Variants in LRRC4C observed in about 807,000 individuals in gnomAD.
The protein encoded by LRRC4C is leucine-rich repeat-containing protein 4C.
A neutral mutation model predicts 33.6 loss-of-function variants in LRRC4C; 5 were observed. The ratio of observed to expected loss-of-function variants is 0.15; its 90% confidence interval spans 0.08 to 0.31. The LOEUF is 0.31. Ranked by LOEUF, LRRC4C falls within the 10% of genes least tolerant of loss-of-function variation. LRRC4C has a pLI of 1.00. For synonymous variants in LRRC4C, 329 were observed against 302.0 expected (o/e 1.09, Z -0.93); for missense variants, 560 against 796.7 (o/e 0.70, Z 3.58).
At chr11:40,303,792 A>G (rs1944896960) in intron 4 of LRRC4C, among the ~76,000 whole-genome samples, 1 of 152,204 alleles carries the variant, frequency 6.6e-6, no homozygotes, top group African/African-American at 2.4e-5. Context: ...GCCTCAGCAG[A>G]CTTATAGCCT....
At chr11:41,036,578 T>A (rs1467184963) in intron 1 of LRRC4C, among the ~76,000 whole-genome samples, 1 of 152,162 alleles carries the variant, frequency 6.6e-6, no homozygotes, top group Non-Finnish European at 1.5e-5. Context: ...TAAATTAGAT[T>A]TTTGTTTCTC....
rs1172705105 is a variant in LRRC4C, at chr11:40,607,609, C to T, written c.-270+40533G>A. Among the ~76,000 whole-genome samples the T allele has an allele frequency of 2.0e-5, 3 of 152,132 alleles. No homozygotes were observed. The East Asian group carries it at 5.8e-4, about 29-fold the overall frequency. On this transcript the variant is annotated intron_variant, in intron 3 of 6. Transcript: ENST00000528697. ...TCCAGGGAAAGATCACCTTCCCACT[C>T]CATCTCCCTTTTGGCTCCCATCCAT...
intron 3 of LRRC4C, among the ~76,000 whole-genome samples, chr11:40,364,840 C>T (rs1248206402): frequency 6.6e-6 from 1 of 151,780 alleles, no homozygotes; most frequent in Non-Finnish European, 1.5e-5. Context: ...ATAAAAAAGA[C>T]AGACTTCTTA....
intron 1 of LRRC4C, among the ~76,000 whole-genome samples, chr11:40,977,400 G>GTT (rs771797454): frequency 6.6e-6 from 1 of 152,050 alleles, no homozygotes; most frequent in South Asian, 2.1e-4. Context: ...CTTTTTCAAC[G>GTT]TATCTGTAGG....
At chr11:41,290,656 T>A (rs1949965834) in intron 1 of LRRC4C, among the ~76,000 whole-genome samples, 1 of 152,130 alleles carries the variant, frequency 6.6e-6, no homozygotes, top group African/African-American at 2.4e-5. Context: ...CTGTCTATAT[T>A]AGCATGCAGT....
intron 1 of LRRC4C, among the ~76,000 whole-genome samples, chr11:41,300,361 G>T (rs1950252396): frequency 6.6e-6 from 1 of 152,120 alleles, no homozygotes; most frequent in Non-Finnish European, 1.5e-5. Flanking sequence ...TAGTTTATTT[G>T]ACTTCCTTTC....
chr11:41,164,658 C>A (rs1224726366), intron 1 of LRRC4C, among the ~76,000 whole-genome samples: 4 of 152,064 alleles, frequency 2.6e-5, no homozygotes, highest in African/African-American at 4.8e-5. Flanking sequence ...GGTCACTGGG[C>A]AATAGGAATT....
chr11:40,284,728 G>T (rs1943716835), intron 4 of LRRC4C, among the ~76,000 whole-genome samples: 1 of 152,152 alleles, frequency 6.6e-6, no homozygotes, highest in African/African-American at 2.4e-5. Context: ...ATGTTAAAGA[G>T]ATACTGACAT....
chr11:40,352,728 T>C (rs929044437), intron 3 of LRRC4C, among the ~76,000 whole-genome samples: 2 of 152,180 alleles, frequency 1.3e-5, no homozygotes, highest in African/African-American at 2.4e-5. Context: ...TTCTTTCAGA[T>C]TGGAGAACTC....
intron 1 of LRRC4C, among the ~76,000 whole-genome samples, chr11:41,203,066 G>A (rs947248188): frequency 2.1e-4 from 32 of 152,190 alleles, no homozygotes; most frequent in African/African-American, 7.0e-4. Flanking sequence ...GATAACAGGC[G>A]TGAGCCACTG....
At chr11:40,137,992 C>A (rs1199125600) in intron 6 of LRRC4C, among the ~76,000 whole-genome samples, 2 of 152,126 alleles carry the variant, frequency 1.3e-5, no homozygotes, top group Non-Finnish European at 2.9e-5. Context: ...CTTACATACG[C>A]AGTTTTATTT....
chr11:40,215,365 C>A (rs1442013983), intron 5 of LRRC4C, among the ~76,000 whole-genome samples: 3 of 152,132 alleles, frequency 2.0e-5, no homozygotes, highest in South Asian at 2.1e-4. Context: ...ACCCTGTAAC[C>A]TCTATGCTTG....
intron 3 of LRRC4C, among the ~76,000 whole-genome samples, chr11:40,611,486 C>G (rs574066537): frequency 6.6e-6 from 1 of 151,828 alleles, no homozygotes; most frequent in South Asian, 2.1e-4. Flanking sequence ...ACACCAAAAG[C>G]AAAGACATCA....
At chr11:40,788,777 G>A (rs986434572) in intron 2 of LRRC4C, among the ~76,000 whole-genome samples, 2 of 152,046 alleles carry the variant, frequency 1.3e-5, no homozygotes, top group Admixed American at 1.3e-4. Context: ...AGGCATCTGA[G>A]AGGGGACTAA....
chr11:40,895,438 C>T (rs1955897445), intron 2 of LRRC4C, among the ~76,000 whole-genome samples: 1 of 152,012 alleles, frequency 6.6e-6, no homozygotes, highest in Non-Finnish European at 1.5e-5. Context: ...ACAGTGAGTA[C>T]TAAACATCCT....
chr11:40,547,156 A>G (rs2135422605), intron 3 of LRRC4C, among the ~76,000 whole-genome samples: 1 of 152,268 alleles, frequency 6.6e-6, no homozygotes, highest in Admixed American at 6.5e-5. Flanking sequence ...CCAGGGCCAT[A>G]TCAGCCAACA....
At chr11:40,796,199 T>G (rs567136259) in intron 2 of LRRC4C, among the ~76,000 whole-genome samples, 2 of 152,178 alleles carry the variant, frequency 1.3e-5, no homozygotes, top group South Asian at 2.1e-4. Context: ...TTGGGCAGTA[T>G]TGGATACAAA....
intron 4 of LRRC4C, among the ~76,000 whole-genome samples, chr11:40,281,464 T>C (rs749079371): frequency 3.3e-5 from 5 of 152,126 alleles, no homozygotes; most frequent in African/African-American, 1.2e-4. Flanking sequence ...CTCTCTCTCT[T>C]TCCCCTAAGG....
intron 6 of LRRC4C, among the ~76,000 whole-genome samples, chr11:40,132,315 G>A (rs1015735075): frequency 1.3e-5 from 2 of 152,196 alleles, no homozygotes; most frequent in Admixed American, 1.3e-4. Flanking sequence ...CAAAACAAAT[G>A]CCCGTTGGGA....
Sources: allele counts gnomAD v4.1 joint callset (sites outside exome capture counted in the v4.1 genomes callset), GRCh38; gene constraint gnomAD v4.1.1; transcripts MANE v1.5; gene names NCBI Gene and HGNC (gene_info 2026-07-23, HGNC 2026-07-21).